Variants in MET observed in about 807,000 individuals in gnomAD.
MET encodes the protein MET proto-oncogene, receptor tyrosine kinase.
MET carries 48 observed loss-of-function variants against 133.1 expected under a neutral mutation model. The observed-to-expected ratio is 0.36, with a 90% CI of 0.29 to 0.46. The LOEUF (loss-of-function observed/expected upper bound fraction) is 0.46, where lower values mean the gene tolerates loss of function less well. MET is among the 20% of genes least tolerant of loss of function. The probability of loss-of-function intolerance (pLI) is 1.00; values close to 1 mark genes in which losing one functional copy is unlikely to be tolerated. For synonymous variants in MET, 628 were observed against 616.5 expected, an observed-to-expected ratio of 1.02 and a Z score of -0.28; for missense variants, 1,442 against 1,695.9, an observed-to-expected ratio of 0.85 and a Z score of 2.63.
intron 1 of MET, among the ~76,000 whole-genome samples, chr7:116,675,772 C>A (rs1293175896): frequency 7.1e-6 from 1 of 140,590 alleles, no homozygotes; most frequent in Admixed American, 7.0e-5. Flanking sequence ...TTTTTAATTT[C>A]TTTTCTTTTC....
At chr7:116,782,150 C>G (rs2117061135) in intron 18 of MET, 53 bp downstream of exon 18, 1 of 1,184,164 alleles carries the variant, frequency 8.4e-7, no homozygotes, top group Non-Finnish European at 1.3e-6. Context: ...AAGGAGGAAT[C>G]TGTTTCCCAC....
chr7:116,777,552 C>T, intron 16 of MET, 83 bp downstream of exon 16: 2 of 1,327,262 alleles, frequency 1.5e-6, no homozygotes, highest in Non-Finnish European at 2.2e-6. Context: ...CGTTGATTTA[C>T]ACTTTCCCCT....
chr7:116,751,364 T>C (rs1308457568), intron 5 of MET, among the ~76,000 whole-genome samples: 1 of 151,790 alleles, frequency 6.6e-6, no homozygotes, highest in Non-Finnish European at 1.5e-5. Flanking sequence ...TAAGTGGGAG[T>C]TGAACCATGA....
At chr7:116,692,756 A>C (rs1382156424) in intron 1 of MET, among the ~76,000 whole-genome samples, 1 of 152,242 alleles carries the variant, frequency 6.6e-6, no homozygotes, top group African/African-American at 2.4e-5. Flanking sequence ...ATGTTTTGCC[A>C]GTGATATTAC....
intron 1 of MET, among the ~76,000 whole-genome samples, chr7:116,673,478 TG>T (rs752576180): frequency 2.0e-5 from 3 of 152,340 alleles, no homozygotes; most frequent in Middle Eastern, 3.4e-3. Context: ...GTGAGAGGAT[TG>T]TAAGAACTGA....
chr7:116,769,581 C>T (rs1299287391), intron 11 of MET, 64 bp from the exon 12 acceptor site: 2 of 1,582,400 alleles, frequency 1.3e-6, no homozygotes, highest in Non-Finnish European at 1.7e-6. Flanking sequence ...ATTCCTTTGC[C>T]ATTGTTAGCA....
rs1562941469 is a variant in MET at position 116,795,793 on chromosome 7, T to A, written c.3935+2T>A. Reference sequence around the variant, plus strand: ...ACCCGAATACTGCCCAGACCCCTTGTAAGTAGTCTTTCTGTACCTCTTACG... The same window carrying A: ...ACCCGAATACTGCCCAGACCCCTTGAAAGTAGTCTTTCTGTACCTCTTACG... On this transcript the variant is annotated splice_donor_variant, in intron 20 of 20. Coordinates refer to ENST00000397752, the MANE Select transcript of MET (RefSeq NM_000245.4). LOFTEE classifies it high-confidence loss of function. 1 of 1,614,220 alleles carries A rather than the reference T, an allele frequency of 6.2e-7. No individual in the cohort carries two copies. Among genetic ancestry groups the A allele is most frequent in the Non-Finnish European group, 8.5e-7 (1 of 1,180,028 alleles).
At chr7:116,764,964 A>T (rs2116964141) in intron 11 of MET, among the ~76,000 whole-genome samples, 1 of 152,290 alleles carries the variant, frequency 6.6e-6, no homozygotes, top group East Asian at 1.9e-4. Context: ...TTGTGTCAGC[A>T]ATCTAACTCT....
At chr7:116,750,167 C>T (rs1389455158) in intron 5 of MET, among the ~76,000 whole-genome samples, 1 of 152,182 alleles carries the variant, frequency 6.6e-6, no homozygotes, top group Non-Finnish European at 1.5e-5. Flanking sequence ...CATCACGCTA[C>T]CTGACTTCAA....
chr7:116,733,924 C>T (rs750463659), intron 3 of MET, among the ~76,000 whole-genome samples: 8 of 152,066 alleles, frequency 5.3e-5, no homozygotes, highest in Admixed American at 6.5e-5. Flanking sequence ...ATTTCTCTGA[C>T]GCTTGCCTAA....
At chr7:116,744,512 C>A (rs1449810308) in intron 5 of MET, among the ~76,000 whole-genome samples, 1 of 152,118 alleles carries the variant, frequency 6.6e-6, no homozygotes, top group Non-Finnish European at 1.5e-5. Flanking sequence ...AAGGAATGAA[C>A]AAAACCTCCA....
Position 116,771,875 on chromosome 7 carries a change from G to A in MET, c.2914G>A (p.Asp972Asn), listed in dbSNP as rs756031094. 9.3e-6 allele frequency: 15 copies of A among 1,613,764 alleles called. No individual in the cohort carries two copies. Among genetic ancestry groups the A allele is most frequent in the African/African-American group, 1.3e-5 (1 of 74,990 alleles). ...TCTGGGCAGTGAATTAGTTCGCTAC[G>A]ATGCAAGAGTACACACTCCTCATTT... is the stretch of plus-strand genomic sequence containing the variant. ...KDLGSELVRY[D>N]ARVHTPHLDR... The change falls in exon 14 of 21, where the codon GAT (aspartate) becomes AAT (asparagine). Residue 972 changes from aspartate (D) to asparagine (N), a missense_variant. Transcript: ENST00000397752.
Position 116,755,566 on chromosome 7 carries a change from T to C in MET, c.1862+51T>C, listed in dbSNP as rs775916576. ...GGGTGTGCTTGGAAAATAGGTTTTGTTTTTGAATGAATATTTCTTTTAAAA... is the reference window on the plus strand; with the variant it reads ...GGGTGTGCTTGGAAAATAGGTTTTGCTTTTGAATGAATATTTCTTTTAAAA... On this transcript the variant is annotated intron_variant, in intron 6 of 20. Transcript: ENST00000397752. The C allele has an allele frequency of 4.4e-6, 7 of 1,607,354 alleles. No homozygotes were observed. In the East Asian group the frequency reaches 1.3e-4, roughly 31 times the overall value.
chr7:116,758,649 A>T (rs769409893), intron 9 of MET, 29 bp downstream of exon 9: 1 of 1,602,504 alleles, frequency 6.2e-7, no homozygotes, highest in Non-Finnish European at 8.5e-7. Flanking sequence ...TGGGTATAAG[A>T]AAACAATGAA....
intron 19 of MET, among the ~76,000 whole-genome samples, chr7:116,792,468 C>T (rs1022113954): frequency 1.4e-5 from 2 of 142,550 alleles, no homozygotes; most frequent in African/African-American, 2.6e-5. Context: ...CACACACACA[C>T]ACACACACAC....
At chr7:116,736,714 A>G (rs759821959) in intron 3 of MET, among the ~76,000 whole-genome samples, 39 of 152,218 alleles carry the variant, frequency 2.6e-4, no homozygotes, top group Non-Finnish European at 4.7e-4. Flanking sequence ...CCCCAAATGT[A>G]TTAGTCCTGT....
At chr7:116,725,398 T>A (rs1332681477) in intron 2 of MET, among the ~76,000 whole-genome samples, 1 of 151,790 alleles carries the variant, frequency 6.6e-6, no homozygotes, top group Non-Finnish European at 1.5e-5. Flanking sequence ...AAATTCTTAA[T>A]AGGTTTTCTC....
rs565479601 is a variant in MET, at chr7:116,749,010, G to A, written c.1702-6345G>A. Among the ~76,000 whole-genome samples the A allele has an allele frequency of 2.1e-3, 323 of 152,036 alleles. 1 individual carries two copies. The highest frequency in any genetic ancestry group is 7.4e-3 in the African/African-American group (305 of 41,484). On this transcript the variant is annotated intron_variant, in intron 5 of 20. Coordinates refer to ENST00000397752, the MANE Select transcript of MET (RefSeq NM_000245.4). ...CCCAGGACCAGACGGATTCACAGCC[G>A]AATTCTACCAGAGGTACAAAGAGGA...
chr7:116,734,086 T>TAGG (rs1793122783), intron 3 of MET, among the ~76,000 whole-genome samples: 1 of 152,246 alleles, frequency 6.6e-6, no homozygotes, highest in African/African-American at 2.4e-5. Flanking sequence ...CACTTTAATC[T>TAGG]GTCAGAGCAG....
Sources: allele counts gnomAD v4.1 joint callset (sites outside exome capture counted in the v4.1 genomes callset), GRCh38; gene constraint gnomAD v4.1.1; transcripts MANE v1.5; gene names NCBI Gene and HGNC (gene_info 2026-07-23, HGNC 2026-07-21).